Variants in GLO1 observed in about 807,000 individuals in gnomAD.
GLO1 encodes lactoylglutathione lyase.
A neutral mutation model predicts 26.0 loss-of-function variants in GLO1; 28 were observed. The observed-to-expected ratio is 1.08, with a 90% CI of 0.80 to 1.48. The LOEUF (loss-of-function observed/expected upper bound fraction) is 1.48. GLO1 is among the 40% of genes most tolerant of loss of function. The pLI is 0.00. For synonymous variants in GLO1, 78 were observed against 77.6 expected (o/e 1.00, Z -0.03); for missense variants, 225 against 224.8 (o/e 1.00, Z -0.01).
At chr6:38,700,741 A>G (rs1038863528) in intron 1 of GLO1, among the ~76,000 whole-genome samples, 13 of 151,918 alleles carry the variant, frequency 8.6e-5, no homozygotes, top group African/African-American at 2.9e-4. Flanking sequence ...TACATATAGC[A>G]TAAATGTATC....
At chr6:38,693,264 C>T (rs1761556837) in intron 1 of GLO1, among the ~76,000 whole-genome samples, 1 of 152,162 alleles carries the variant, frequency 6.6e-6, no homozygotes, top group Non-Finnish European at 1.5e-5. Context: ...TTCAAGTTGT[C>T]AAATTTATGT....
chr6:38,692,540 G>C (rs1295559656), intron 1 of GLO1, among the ~76,000 whole-genome samples: 1 of 151,576 alleles, frequency 6.6e-6, no homozygotes, highest in Non-Finnish European at 1.5e-5. Flanking sequence ...TCCTTTTCTT[G>C]CTTTACTGCA....
At chr6:38,691,401 G>A (rs1761528920) in intron 1 of GLO1, among the ~76,000 whole-genome samples, 2 of 151,766 alleles carry the variant, frequency 1.3e-5, no homozygotes, top group Admixed American at 1.3e-4. Context: ...TCCGCCTCCC[G>A]AGCTTCAAGC....
At position 38,686,901 on chromosome 6, in the gene GLO1, A is replaced by C. The variant is rs1300454230; in HGVS notation, c.158T>G (p.Leu53Arg). 6.4e-7 allele frequency: 1 copy of C among 1,562,890 alleles called. No individual in the cohort carries two copies. Among genetic ancestry groups the C allele is most frequent in the Non-Finnish European group, 8.8e-7 (1 of 1,133,574 alleles). Residue 53 changes from leucine (L) to arginine (R), a missense_variant, in exon 2 of 6, where the codon CTT (leucine) becomes CGT (arginine). Coordinates refer to ENST00000373365, the MANE Select transcript of GLO1 (RefSeq NM_006708.3). ...TAAGTACTTGACTTACGTCATTCCA[A>C]GAACTCTAGTATAAAAATCCAGTGA... ...KKSLDFYTRV[L>R]GMTLIQKCDF...
At chr6:38,681,901 G>T in intron 5 of GLO1, 111 bp downstream of exon 5, 1 of 667,384 alleles carries the variant, frequency 1.5e-6, no homozygotes, top group South Asian at 1.9e-5. Context: ...GGTTGAAGTG[G>T]AGACTTCTGT....
intron 1 of GLO1, 127 bp downstream of exon 1, chr6:38,702,844 C>T: frequency 6.5e-6 from 4 of 613,628 alleles, no homozygotes; most frequent in Middle Eastern, 8.6e-4. Flanking sequence ...TATCCCTCTT[C>T]CCATCACACT....
rs115662320 is a variant in GLO1, at chr6:38,676,949, T to C, written c.*346A>G. On this transcript the variant is annotated 3_prime_UTR_variant, in exon 6 of 6. Coordinates refer to ENST00000373365, the MANE Select transcript of GLO1 (RefSeq NM_006708.3). ...AGAAGATAACTACAACAAAAACATGTTAATTTTTTTTTAAAAATGATGATT... is the reference window on the plus strand; with the variant it reads ...AGAAGATAACTACAACAAAAACATGCTAATTTTTTTTTAAAAATGATGATT... 276 of 191,832 alleles carry C rather than the reference T, an allele frequency of 1.4e-3. 2 individuals are homozygous for C. The highest frequency in any genetic ancestry group is 6.2e-3 in the African/African-American group (266 of 42,620). The allele number at this position is 191,832 out of a possible 1,614,324, so 11.9% of individuals were successfully genotyped here. A position where few individuals can be genotyped will look rare whatever the true frequency, so the allele number is the denominator to read the frequency against.
chr6:38,680,413 C>T (rs891242171), intron 5 of GLO1, among the ~76,000 whole-genome samples: 7 of 151,990 alleles, frequency 4.6e-5, no homozygotes, highest in South Asian at 2.1e-4. Context: ...CCCAGCTACT[C>T]GGGAGGCTGA....
chr6:38,695,936 G>T (rs575654410), intron 1 of GLO1, among the ~76,000 whole-genome samples: 12 of 152,156 alleles, frequency 7.9e-5, no homozygotes, highest in African/African-American at 2.9e-4. Context: ...GAAAACTTAG[G>T]AAACTCATTG....
Position 38,682,209 on chromosome 6 carries a change from G to A in GLO1, c.377-108C>T. ...AAACTTGTTTATTTCAAAACATAAGGCACTTGGGAACAGACTTAGGTAGGT... is the reference window on the plus strand; with the variant it reads ...AAACTTGTTTATTTCAAAACATAAGACACTTGGGAACAGACTTAGGTAGGT... On this transcript the variant is annotated intron_variant, in intron 4 of 5. Coordinates refer to ENST00000373365, the MANE Select transcript of GLO1 (RefSeq NM_006708.3). 9.6e-6 allele frequency: 7 copies of A among 726,734 alleles called. No individual in the cohort carries two copies. In the South Asian group the frequency reaches 1.1e-4, roughly 11 times the overall value. The allele number at this position is 726,734 out of a possible 1,614,324, so 45.0% of individuals were successfully genotyped here.
At chr6:38,697,202 C>A (rs373921782) in intron 1 of GLO1, among the ~76,000 whole-genome samples, 29 of 152,162 alleles carry the variant, frequency 1.9e-4, no homozygotes, top group Non-Finnish European at 1.8e-4. Context: ...CGTGAGCCAC[C>A]GGGCCTGGCC....
At chr6:38,700,116 T>C (rs1043568817) in intron 1 of GLO1, among the ~76,000 whole-genome samples, 13 of 152,240 alleles carry the variant, frequency 8.5e-5, no homozygotes, top group Non-Finnish European at 1.0e-4. Context: ...GCAGCCCAGC[T>C]GTAAAATTCC....
chr6:38,696,819 G>A (rs944917375), intron 1 of GLO1, among the ~76,000 whole-genome samples: 4 of 151,956 alleles, frequency 2.6e-5, no homozygotes, highest in South Asian at 2.1e-4. Flanking sequence ...GTTGTCTTTC[G>A]ACCTTAATAA....
chr6:38,682,080 G>A lies in GLO1; in HGVS notation c.398C>T (p.Pro133Leu). The A allele has an allele frequency of 6.3e-7, 1 of 1,589,512 alleles. No individual in the cohort carries two copies. The highest frequency in any genetic ancestry group is 8.6e-7 in the Non-Finnish European group (1 of 1,157,714). ...CCTTTTACAAGCACTGTATACATCA[G>A]GAACAGCAATTCCAATATGACCTTA... Reference protein sequence around the residue: ...RGFGHIGIAVPDVYSACKRFE... With the variant: ...RGFGHIGIAVLDVYSACKRFE... The change falls in exon 5 of 6, where the codon CCT becomes CTT. Residue 133 changes from proline (P) to leucine (L), a missense_variant. By Grantham distance (98) the Pro-to-Leu change is moderately conservative. Transcript: ENST00000373365.
At chr6:38,689,453 C>T (rs1242722773) in intron 1 of GLO1, among the ~76,000 whole-genome samples, 1 of 152,174 alleles carries the variant, frequency 6.6e-6, no homozygotes, top group Non-Finnish European at 1.5e-5. Context: ...TTACCAACGA[C>T]TTTATCATTA....
chr6:38,694,253 A>G (rs1042524240), intron 1 of GLO1, among the ~76,000 whole-genome samples: 11 of 151,472 alleles, frequency 7.3e-5, no homozygotes, highest in East Asian at 1.9e-4. Flanking sequence ...AGACACTTGG[A>G]AAAAAAAAGG....
chr6:38,697,083 T>G (rs1223901043), intron 1 of GLO1, among the ~76,000 whole-genome samples: 1 of 152,104 alleles, frequency 6.6e-6, no homozygotes, highest in African/African-American at 2.4e-5. Flanking sequence ...TGGCTAATTT[T>G]TTTGTATTTT....
chr6:38,685,772 T>A (rs1761452960), intron 2 of GLO1, among the ~76,000 whole-genome samples: 1 of 152,208 alleles, frequency 6.6e-6, no homozygotes, highest in South Asian at 2.1e-4. Flanking sequence ...TGTTGCAACT[T>A]GCTTTTCTCA....
At chr6:38,702,834 T>TATC in intron 1 of GLO1, 137 bp downstream of exon 1, 1 of 595,870 alleles carries the variant, frequency 1.7e-6, no homozygotes, top group Non-Finnish European at 3.0e-6. Context: ...CAAACACCAT[T>TATC]ATCCCTCTTC....
Sources: allele counts gnomAD v4.1 joint callset (sites outside exome capture counted in the v4.1 genomes callset), GRCh38; gene constraint gnomAD v4.1.1; transcripts MANE v1.5; gene names NCBI Gene and HGNC (gene_info 2026-07-23, HGNC 2026-07-21).